Variants in FHOD3 observed in about 807,000 individuals in gnomAD.
FHOD3 encodes formin homology 2 domain containing 3, also known as FH1/FH2 domain-containing protein 3.
FHOD3 carries 90 observed loss-of-function variants against 173.0 expected under a neutral mutation model. The observed-to-expected ratio is 0.52, with a 90% CI of 0.44 to 0.62. The LOEUF (loss-of-function observed/expected upper bound fraction) is 0.62, where lower values mean the gene tolerates loss of function less well. FHOD3 is among the 20% of genes least tolerant of loss of function. The pLI is 0.00. For missense variants in FHOD3, 1,945 were observed against 2,034.7 expected (o/e 0.96, Z 0.85); for synonymous variants, 828 against 823.0 (o/e 1.01, Z -0.10).
intron 3 of FHOD3, among the ~76,000 whole-genome samples, chr18:36,447,268 C>T (rs887871062): frequency 5.9e-5 from 9 of 152,104 alleles, no homozygotes; most frequent in African/African-American, 2.2e-4. Context: ...GGAGGGACCA[C>T]ATTAACTCTG....
chr18:36,552,336 A>G (rs1241798134), intron 5 of FHOD3, among the ~76,000 whole-genome samples: 1 of 152,162 alleles, frequency 6.6e-6, no homozygotes, highest in East Asian at 1.9e-4. Flanking sequence ...TGATTTCTGC[A>G]CATTGATTTT....
chr18:36,336,655 G>A (rs1168639893), intron 1 of FHOD3, among the ~76,000 whole-genome samples: 2 of 148,226 alleles, frequency 1.3e-5, no homozygotes, highest in Non-Finnish European at 3.0e-5. Flanking sequence ...TGGCCAACAT[G>A]GTGAAACCCT....
intron 5 of FHOD3, among the ~76,000 whole-genome samples, chr18:36,568,699 A>G (rs1273165853): frequency 6.6e-6 from 1 of 152,212 alleles, no homozygotes; most frequent in Non-Finnish European, 1.5e-5. Context: ...TTGTGACTCA[A>G]ACTGAACCAG....
At chr18:36,688,558 A>G (rs913748388) in intron 16 of FHOD3, among the ~76,000 whole-genome samples, 2 of 152,180 alleles carry the variant, frequency 1.3e-5, no homozygotes, top group African/African-American at 2.4e-5. Flanking sequence ...GGAAGCTTAT[A>G]TTTCTCACTA....
chr18:36,654,529 C>A (rs1314600027), intron 13 of FHOD3, among the ~76,000 whole-genome samples: 2 of 152,178 alleles, frequency 1.3e-5, no homozygotes, highest in Non-Finnish European at 2.9e-5. Context: ...TGTATACCTA[C>A]TTGGCAAAGC....
chr18:36,754,978 TA>T (rs2042563197), intron 24 of FHOD3, 140 bp from the exon 25 acceptor site: 1 of 126,126 alleles, frequency 7.9e-6, no homozygotes, highest in African/African-American at 5.6e-5. Flanking sequence ...TTGGTTTCTT[TA>T]TTATTATTAT....
chr18:36,708,994 T>C (rs181623911), intron 17 of FHOD3, 101 bp from the exon 18 acceptor site: 31 of 1,404,302 alleles, frequency 2.2e-5, no homozygotes, highest in Non-Finnish European at 9.8e-6. Flanking sequence ...TCTTTGGACA[T>C]CTGTCCACCA....
chr18:36,745,914 A>G (rs2042137494), intron 23 of FHOD3, among the ~76,000 whole-genome samples: 1 of 151,378 alleles, frequency 6.6e-6, no homozygotes, highest in Non-Finnish European at 1.5e-5. Flanking sequence ...CTTGCTGGAC[A>G]CAGCCTTTCC....
chr18:36,476,312 C>T (rs1378660872), intron 3 of FHOD3, among the ~76,000 whole-genome samples: 1 of 152,174 alleles, frequency 6.6e-6, no homozygotes, highest in African/African-American at 2.4e-5. Flanking sequence ...TTCCCAGGGG[C>T]ATGGAAGGTG....
Position 36,742,863 on chromosome 18 carries a change from C to T in FHOD3, c.3879+7C>T, listed in dbSNP as rs1019474381. 1 of 1,608,514 alleles carries T rather than the reference C, an allele frequency of 6.2e-7. No homozygotes were observed. Among genetic ancestry groups the T allele is most frequent in the Non-Finnish European group, 8.5e-7 (1 of 1,178,222 alleles). On this transcript the variant is annotated splice_region_variant and intron_variant, in intron 22 of 28. Transcript: ENST00000590592. Reference sequence around the variant, plus strand: ...CTTTCTAAATGGAACTAATGTAAGTCATCCCCATCCCTCATCCTGTAGCCC... The same window carrying T: ...CTTTCTAAATGGAACTAATGTAAGTTATCCCCATCCCTCATCCTGTAGCCC...
intron 9 of FHOD3, among the ~76,000 whole-genome samples, chr18:36,618,311 GTTTTT>G (rs34019893): frequency 1.4e-5 from 1 of 70,844 alleles, no homozygotes; most frequent in Non-Finnish European, 2.5e-5. Context: ...TTTTTTGGTG[GTTTTT>G]TTTTTTTTTT....
intron 1 of FHOD3, among the ~76,000 whole-genome samples, chr18:36,321,427 C>T (rs2044387462): frequency 6.6e-6 from 1 of 152,214 alleles, no homozygotes; most frequent in South Asian, 2.1e-4. Context: ...TCTCAGGACA[C>T]AGCTCAGCTT....
chr18:36,633,240 C>T (rs2034638973), intron 10 of FHOD3, among the ~76,000 whole-genome samples: 1 of 152,214 alleles, frequency 6.6e-6, no homozygotes, highest in Non-Finnish European at 1.5e-5. Context: ...AATCACCCAA[C>T]TTCTCAGATC....
At chr18:36,673,451 GA>G (rs1022631831) in intron 14 of FHOD3, among the ~76,000 whole-genome samples, 1 of 152,020 alleles carries the variant, frequency 6.6e-6, no homozygotes, top group Non-Finnish European at 1.5e-5. Flanking sequence ...ATTCCTATGA[GA>G]AAAAACAATG....
chr18:36,533,679 G>A (rs12966985), intron 5 of FHOD3, among the ~76,000 whole-genome samples: 16,544 of 152,174 alleles, frequency 0.11, 1,297 homozygotes, highest in East Asian at 0.46. Context: ...CTGGGAAGAC[G>A]ACTTATGTCT....
At chr18:36,640,191 CCTGT>C (rs1405558882) in intron 10 of FHOD3, among the ~76,000 whole-genome samples, 1 of 152,150 alleles carries the variant, frequency 6.6e-6, no homozygotes, top group African/African-American at 2.4e-5. Flanking sequence ...TAAATACTTT[CCTGT>C]CTAACTTTGG....
intron 10 of FHOD3, among the ~76,000 whole-genome samples, chr18:36,639,968 T>A (rs2035190418): frequency 6.6e-6 from 1 of 152,184 alleles, no homozygotes; most frequent in Admixed American, 6.5e-5. Context: ...ATGTTTGTAC[T>A]CTGCAGACTT....
chr18:36,581,130 A>G (rs2058835128), intron 6 of FHOD3, among the ~76,000 whole-genome samples: 1 of 152,262 alleles, frequency 6.6e-6, no homozygotes, highest in South Asian at 2.1e-4. Context: ...TGACTTTTTA[A>G]AAGAAAGAAA....
At chr18:36,577,401 C>T (rs533047485) in intron 6 of FHOD3, among the ~76,000 whole-genome samples, 4 of 152,206 alleles carry the variant, frequency 2.6e-5, no homozygotes, top group South Asian at 2.1e-4. Context: ...CTCCTGAGTT[C>T]GAGCAAATCC....
Sources: gnomAD v4.1 joint callset for allele counts (sites outside exome capture counted in the v4.1 genomes callset) on GRCh38, gnomAD v4.1.1 for gene constraint, MANE v1.5 for transcripts, NCBI Gene and HGNC (gene_info 2026-07-23, HGNC 2026-07-21) for gene names.